RPA1: variants seen among roughly 807,000 people sequenced by gnomAD.
RPA1 encodes the protein replication protein A1, also known as replication protein A 70 kDa DNA-binding subunit.
In RPA1, 49 loss-of-function variants were observed where a neutral mutation model predicts 83.0. The observed-to-expected ratio is 0.59, with a 90% CI of 0.47 to 0.75. The LOEUF (loss-of-function observed/expected upper bound fraction) is 0.75. Among genes scored for constraint, RPA1 ranks in the 30% least tolerant of loss-of-function variants. RPA1 has a pLI of 0.00. For missense variants in RPA1, 693 were observed against 776.1 expected (o/e 0.89, Z 1.27); for synonymous variants, 279 against 281.8 (o/e 0.99, Z 0.10).
intron 4 of RPA1, 35 bp downstream of exon 4, chr17:1,844,721 G>T: frequency 1.3e-6 from 2 of 1,509,236 alleles, no homozygotes; most frequent in Non-Finnish European, 1.8e-6. Flanking sequence ...TTATTGTATC[G>T]TAGAATGGGA....
At position 1,898,359 on chromosome 17, in the gene RPA1, C is replaced by T. The variant is rs956169074; in HGVS notation, c.*1184C>T. The T allele has an allele frequency of 7.2e-5, 11 of 152,232 alleles. No individual in the cohort carries two copies. The highest frequency in any genetic ancestry group is 1.2e-4 in the African/African-American group (5 of 41,456). 9.4% of individuals were successfully genotyped at this position (152,232 alleles called of 1,614,324 possible). ...CACCAACCACGCTTTGAAATGTGTA[C>T]AGACAGTGAGCTGGTAAGAAAACAG... On this transcript the variant is annotated 3_prime_UTR_variant, in exon 17 of 17. Transcript: ENST00000254719.
rs1195978810 is a variant in RPA1 at position 1,884,901 on chromosome 17, T to TG, written c.1374+962dup. Among the ~76,000 whole-genome samples the TG allele has an allele frequency of 3.3e-5, 5 of 152,258 alleles. No individual in the cohort carries two copies. The East Asian group carries it at 9.6e-4, about 29-fold the overall frequency. ...ATCTGAGTCGTAATCTTCTTGCTGG[T>TG]GGGGGTTTGTTTCAGGGTTGATGGC... is the stretch of plus-strand genomic sequence containing the variant. On this transcript the variant is annotated intron_variant, in intron 13 of 16. Transcript: ENST00000254719. This position sits in a 1 kb window ranked among gnomAD's most constrained non-coding sequence, Gnocchi z 4.1.
intron 4 of RPA1, among the ~76,000 whole-genome samples, chr17:1,848,012 A>G (rs1912327741): frequency 1.6e-5 from 1 of 64,276 alleles, no homozygotes; most frequent in Non-Finnish European, 6.7e-5. Context: ...CCCATCTCCA[A>G]AAAAAAAAAG....
chr17:1,830,337 A>G (rs1403009100), intron 1 of RPA1, among the ~76,000 whole-genome samples: 1 of 151,984 alleles, frequency 6.6e-6, no homozygotes, highest in Non-Finnish European at 1.5e-5. Context: ...ACATGCTCAC[A>G]TTTTTCCTAC....
chr17:1,830,119 C>CCATTGCGGTGAGGAGGT lies in RPA1; in HGVS notation c.27_33+10dup. The CCATTGCGGTGAGGAGGT allele has an allele frequency of 8.0e-7, 1 of 1,248,306 alleles. No homozygotes were observed. The highest frequency in any genetic ancestry group is 4.2e-5 in the Admixed American group (1 of 23,804). The allele number at this position is 1,248,306 out of a possible 1,614,324, so 77.3% of individuals were successfully genotyped here. A position where few individuals can be genotyped will look rare whatever the true frequency, so the allele number is the denominator to read the frequency against. On this transcript the variant is annotated frameshift_variant, in exon 1 of 17. Coordinates refer to ENST00000254719, the MANE Select transcript of RPA1 (RefSeq NM_002945.5). LOFTEE classifies it high-confidence loss of function. ...ATGGTCGGCCAACTGAGCGAGGGGG[C>CCATTGCGGTGAGGAGGT]CATTGCGGTGAGGAGGTGCCGGGGG...
chr17:1,896,968 C>G, intron 16 of RPA1, 103 bp from the exon 17 acceptor site: 1 of 905,386 alleles, frequency 1.1e-6, no homozygotes, highest in East Asian at 2.6e-5. Context: ...ACCCGTGCGT[C>G]TGTTCCCTCC....
intron 4 of RPA1, among the ~76,000 whole-genome samples, chr17:1,849,266 C>G: frequency 6.6e-6 from 1 of 151,090 alleles, no homozygotes; most frequent in African/African-American, 2.4e-5. Flanking sequence ...TTACTTTTTC[C>G]CTCCAAATTT....
At chr17:1,857,634 A>G (rs1268721144) in intron 5 of RPA1, among the ~76,000 whole-genome samples, 1 of 149,474 alleles carries the variant, frequency 6.7e-6, no homozygotes, top group Non-Finnish European at 1.5e-5. Context: ...AGTGGCACCC[A>G]AAGCCTCACC....
chr17:1,842,040 T>A (rs1030488858), intron 1 of RPA1, among the ~76,000 whole-genome samples: 7 of 152,102 alleles, frequency 4.6e-5, no homozygotes, highest in African/African-American at 1.7e-4. Context: ...TTCTTTTTTT[T>A]AAACAGAGTC....
intron 12 of RPA1, among the ~76,000 whole-genome samples, chr17:1,883,343 A>G (rs1455647441): frequency 6.6e-6 from 1 of 152,018 alleles, no homozygotes; most frequent in African/African-American, 2.4e-5. Context: ...TTGTATTTTT[A>G]GTAGAGACGG....
At chr17:1,886,147 A>G (rs1913983954) in intron 13 of RPA1, among the ~76,000 whole-genome samples, 1 of 151,766 alleles carries the variant, frequency 6.6e-6, no homozygotes, top group South Asian at 2.1e-4. Context: ...GTGTGTCTCC[A>G]TTGAGCTCTC....
rs1597435571 is a variant in RPA1 at position 1,858,359 on chromosome 17, G to C, written c.361+5170G>C. On this transcript the variant is annotated intron_variant, in intron 5 of 16. Coordinates refer to ENST00000254719, the MANE Select transcript of RPA1 (RefSeq NM_002945.5). ...CGGTGGCAGATGGACATCGCCATGG[G>C]AAGAGACCAATTTCTGATACAGAGC... The C allele has an allele frequency of 8.7e-6, 14 of 1,606,148 alleles. No homozygotes were observed. In the South Asian group the frequency reaches 1.3e-4, roughly 15 times the overall value.
intron 5 of RPA1, among the ~76,000 whole-genome samples, chr17:1,863,588 C>G (rs189248867): frequency 7.2e-5 from 11 of 152,314 alleles, no homozygotes; most frequent in Non-Finnish European, 2.9e-5. Flanking sequence ...CTCCTGAGTT[C>G]AGGTAATCCA....
At chr17:1,874,032 T>TATATATATATATAC (rs1171343408) in intron 6 of RPA1, among the ~76,000 whole-genome samples, 4 of 79,256 alleles carry the variant, frequency 5.0e-5, no homozygotes, top group African/African-American at 2.5e-4. Context: ...TATATATATA[T>TATATATATATATAC]ACACACACAC....
At chr17:1,846,843 C>T (rs956094816) in intron 4 of RPA1, among the ~76,000 whole-genome samples, 2 of 152,122 alleles carry the variant, frequency 1.3e-5, no homozygotes, top group African/African-American at 2.4e-5. Context: ...GGTTTTCCAA[C>T]GTAATAGTAC....
At chr17:1,836,037 T>C (rs529759708) in intron 1 of RPA1, among the ~76,000 whole-genome samples, 121 of 152,318 alleles carry the variant, frequency 7.9e-4, no homozygotes, top group Non-Finnish European at 1.3e-3. Flanking sequence ...TCCAGTACTG[T>C]TCCCCAGAAT....
chr17:1,882,058 A>G (rs1248126157), intron 12 of RPA1, among the ~76,000 whole-genome samples: 1 of 152,154 alleles, frequency 6.6e-6, no homozygotes, highest in Non-Finnish European at 1.5e-5. Context: ...GCTCAGGGTA[A>G]CATCCATTCT....
intron 9 of RPA1, 42 bp downstream of exon 9, chr17:1,879,103 G>A (rs55834507): frequency 5.6e-6 from 9 of 1,613,084 alleles, no homozygotes; most frequent in East Asian, 4.5e-5. Context: ...GCCTGGGGGT[G>A]GAGTGCGGAT....
At chr17:1,851,670 T>C (rs944228229) in intron 4 of RPA1, among the ~76,000 whole-genome samples, 31 of 152,230 alleles carry the variant, frequency 2.0e-4, no homozygotes, top group Admixed American at 2.0e-3. Context: ...ATTAGAGTCA[T>C]ACTAAATGAT....
Sources: allele counts gnomAD v4.1 joint callset (sites outside exome capture counted in the v4.1 genomes callset), GRCh38; gene constraint gnomAD v4.1.1; non-coding constraint Gnocchi (gnomAD v3.1); transcripts MANE v1.5; gene names NCBI Gene and HGNC (gene_info 2026-07-23, HGNC 2026-07-21).